Variants in C1orf146 observed in about 807,000 individuals in gnomAD.
C1orf146 encodes chromosome 1 open reading frame 146, also known as protein SPO16 homolog.
C1orf146 carries 22 observed loss-of-function variants against 23.0 expected under a neutral mutation model. The observed-to-expected ratio is 0.96, with a 90% CI of 0.68 to 1.36. C1orf146 has a LOEUF of 1.36. C1orf146 is among the 40% of genes most tolerant of loss of function. The pLI is 0.00. For synonymous variants in C1orf146, 59 were observed against 65.3 expected, an observed-to-expected ratio of 0.90 and a Z score of 0.47; for missense variants, 199 against 206.8, an observed-to-expected ratio of 0.96 and a Z score of 0.23.
chr1:92,224,518 A>G (rs1557485062), intron 1 of C1orf146, among the ~76,000 whole-genome samples: 1 of 152,160 alleles, frequency 6.6e-6, no homozygotes, highest in Non-Finnish European at 1.5e-5. Flanking sequence ...TAGGCCTATG[A>G]TTCATTCTGA....
chr1:92,233,352 T>C (rs1002271099), intron 2 of C1orf146, among the ~76,000 whole-genome samples: 1 of 151,356 alleles, frequency 6.6e-6, no homozygotes, highest in Non-Finnish European at 1.5e-5. Flanking sequence ...CCCAGCACCA[T>C]TTATTAAATA....
At chr1:92,244,715 C>A in intron 4 of C1orf146, 64 bp from the exon 5 acceptor site, 1 of 1,031,760 alleles carries the variant, frequency 9.7e-7, no homozygotes, top group Non-Finnish European at 1.5e-6. Context: ...CTCTTCTTTC[C>A]ACTTTCTTAA....
intron 2 of C1orf146, 133 bp from the exon 3 acceptor site, chr1:92,242,075 ATATT>A (rs1243789939): frequency 1.7e-4 from 81 of 476,992 alleles, no homozygotes; most frequent in Middle Eastern, 1.6e-3. Context: ...CATAGAAAGC[ATATT>A]TATTTATCTT....
Position 92,221,933 on chromosome 1 carries a change from T to A in C1orf146, c.-40+3885T>A, listed in dbSNP as rs532568702. 2.6e-5 allele frequency among the ~76,000 whole-genome samples: 4 copies of A among 152,336 alleles called. No homozygotes were observed. The East Asian group carries it at 7.7e-4, about 29-fold the overall frequency. On this transcript the variant is annotated intron_variant, in intron 1 of 5. Coordinates refer to ENST00000370375, the MANE Select transcript of C1orf146 (RefSeq NM_001012425.2). ...ACACACTTATCATTATTGAATATTT[T>A]CAGAGCTATTTAAAAACCTGTAAGA...
intron 2 of C1orf146, among the ~76,000 whole-genome samples, chr1:92,233,250 G>A (rs1360429041): frequency 9.9e-5 from 15 of 151,558 alleles, no homozygotes; most frequent in South Asian, 8.3e-4. Flanking sequence ...TAGGTCTAAC[G>A]TTTAAGTCTT....
At chr1:92,226,031 T>G (rs1444447122) in intron 1 of C1orf146, among the ~76,000 whole-genome samples, 1 of 152,200 alleles carries the variant, frequency 6.6e-6, no homozygotes, top group Non-Finnish European at 1.5e-5. Flanking sequence ...GAGATATAAG[T>G]CATGTGACAT....
intron 1 of C1orf146, among the ~76,000 whole-genome samples, chr1:92,221,247 A>T (rs1651810817): frequency 1.3e-5 from 2 of 152,198 alleles, no homozygotes; most frequent in African/African-American, 4.8e-5. Flanking sequence ...ACCAAATGCC[A>T]CATGCTCTCA....
Position 92,217,993 on chromosome 1 carries a change from G to C in C1orf146, c.-95G>C, listed in dbSNP as rs942072625. 2.6e-5 allele frequency: 4 copies of C among 152,290 alleles called. No homozygotes were observed. Among genetic ancestry groups the C allele is most frequent in the Admixed American group, 6.5e-5 (1 of 15,286 alleles). 9.4% of individuals were successfully genotyped at this position (152,290 alleles called of 1,614,324 possible). ...ACCGGCGGCGCCTCTCACTGCTCAC[G>C]GAACGTTCTGGAAGTTTGGGAAACC... On this transcript the variant is annotated 5_prime_UTR_variant, in exon 1 of 6. Transcript: ENST00000370375.
At chr1:92,244,552 G>A (rs1383508794) in intron 4 of C1orf146, among the ~76,000 whole-genome samples, 167 bp downstream of exon 4, 1 of 152,214 alleles carries the variant, frequency 6.6e-6, no homozygotes, top group Admixed American at 6.5e-5. Context: ...CGAGGTGACA[G>A]GGTTCATGAT....
intron 1 of C1orf146, among the ~76,000 whole-genome samples, chr1:92,225,304 G>T (rs1302652104): frequency 6.6e-6 from 1 of 151,934 alleles, no homozygotes; most frequent in Non-Finnish European, 1.5e-5. Flanking sequence ...ATGGGGTTTT[G>T]CCCTGTTGCC....
intron 1 of C1orf146, among the ~76,000 whole-genome samples, chr1:92,220,239 G>T (rs1651787508): frequency 6.6e-6 from 1 of 152,146 alleles, no homozygotes; most frequent in Non-Finnish European, 1.5e-5. Flanking sequence ...GGTGCTAGGT[G>T]TACTTGTTGC....
chr1:92,228,097 T>C (rs559446398), intron 1 of C1orf146, among the ~76,000 whole-genome samples: 9 of 152,358 alleles, frequency 5.9e-5, no homozygotes, highest in African/African-American at 2.2e-4. Flanking sequence ...ATCCTTTTGC[T>C]TAACCTACCT....
At chr1:92,238,254 ATAT>A (rs1313688923) in intron 2 of C1orf146, among the ~76,000 whole-genome samples, 1 of 152,178 alleles carries the variant, frequency 6.6e-6, no homozygotes, top group African/African-American at 2.4e-5. Context: ...CTAGTTTTAA[ATAT>A]TATTAATAGA....
At position 92,245,766 on chromosome 1, in the gene C1orf146, T is replaced by A; in HGVS notation, c.*92T>A. On this transcript the variant is annotated 3_prime_UTR_variant, in exon 6 of 6. Transcript: ENST00000370375. ...AATATCTATTTAAAGACATTTATAT[T>A]AATTTGAAATAATAACATATACAAT... 1 of 742,486 alleles carries A rather than the reference T, an allele frequency of 1.3e-6. No homozygotes were observed. The highest frequency in any genetic ancestry group is 2.1e-6 in the Non-Finnish European group (1 of 487,746). 46.0% of individuals were successfully genotyped at this position (742,486 alleles called of 1,614,324 possible). A position where few individuals can be genotyped will look rare whatever the true frequency, so the allele number is the denominator to read the frequency against.
chr1:92,220,751 T>C (rs1651799749), intron 1 of C1orf146, among the ~76,000 whole-genome samples: 1 of 152,206 alleles, frequency 6.6e-6, no homozygotes, highest in African/African-American at 2.4e-5. Context: ...ATTCTAACTA[T>C]GGACCATTCT....
In C1orf146 at chr1:92,244,740, G is replaced by A. The variant is rs758757046; in HGVS notation, c.330-39G>A. On this transcript the variant is annotated intron_variant, in intron 4 of 5. Transcript: ENST00000370375. ...CACTTTCTTAAGAGAACAGATGTCAGCAAGTTATATGATCTGTATAACATG... is the reference window on the plus strand; with the variant it reads ...CACTTTCTTAAGAGAACAGATGTCAACAAGTTATATGATCTGTATAACATG... 10 of 1,276,366 alleles carry A rather than the reference G, an allele frequency of 7.8e-6. No individual in the cohort carries two copies. In the Admixed American group the frequency reaches 1.4e-4, roughly 18 times the overall value. 79.1% of individuals were successfully genotyped at this position (1,276,366 alleles called of 1,614,324 possible). A position where few individuals can be genotyped will look rare whatever the true frequency, so the allele number is the denominator to read the frequency against.
rs949400078 is a variant in C1orf146 at position 92,244,849 on chromosome 1, A to G, written c.400A>G (p.Ile134Val). The change falls in exon 5 of 6, where the codon ATA becomes GTA. Residue 134 changes from isoleucine (I) to valine (V), a missense_variant. Coordinates refer to ENST00000370375, the MANE Select transcript of C1orf146 (RefSeq NM_001012425.2). ...TVNAINLMCTIAKTTSKPYID... is the reference protein window; with the variant it reads ...TVNAINLMCTVAKTTSKPYID... Reference sequence around the variant, plus strand: ...AAATGCTATTAATCTTATGTGCACTATAGCAAAGGTGAGTCACCCGTGGAA... The same window carrying G: ...AAATGCTATTAATCTTATGTGCACTGTAGCAAAGGTGAGTCACCCGTGGAA... 1.3e-6 allele frequency: 2 copies of G among 1,589,836 alleles called. No individual in the cohort carries two copies. The highest frequency in any genetic ancestry group is 1.7e-6 in the Non-Finnish European group (2 of 1,159,830).
intron 1 of C1orf146, 41 bp downstream of exon 1, chr1:92,218,089 T>C (rs1651720307): frequency 6.6e-6 from 1 of 152,416 alleles, no homozygotes; most frequent in South Asian, 2.1e-4. Context: ...GGCAGACCTG[T>C]CTCTTCGCGT....
At chr1:92,241,762 C>T (rs1652436011) in intron 2 of C1orf146, among the ~76,000 whole-genome samples, 1 of 152,166 alleles carries the variant, frequency 6.6e-6, no homozygotes, top group South Asian at 2.1e-4. Context: ...TGAGCCACCA[C>T]CCAAGTTTTT....
Sources: allele counts gnomAD v4.1 joint callset (sites outside exome capture counted in the v4.1 genomes callset), GRCh38; gene constraint gnomAD v4.1.1; transcripts MANE v1.5; gene names NCBI Gene and HGNC (gene_info 2026-07-23, HGNC 2026-07-21).